Variants in SAMTOR observed in about 807,000 individuals in gnomAD.
SAMTOR encodes the protein S-adenosylmethionine sensor upstream of mTORC1.
chr7:112,844,851 T>C, the SAMTOR span, among the ~76,000 whole-genome samples: 48 of 152,256 alleles, frequency 3.2e-4, no homozygotes, highest in Non-Finnish European at 5.1e-4. Context: ...CAAATGATAC[T>C]ACAAAGCTGC....
the SAMTOR span, among the ~76,000 whole-genome samples, chr7:112,869,190 A>G: frequency 3.3e-5 from 5 of 152,194 alleles, no homozygotes; most frequent in South Asian, 6.2e-4. Context: ...AGCCCCGCTC[A>G]TTAGTGCACT....
chr7:112,835,451 G>A, the SAMTOR span, among the ~76,000 whole-genome samples: 1 of 152,056 alleles, frequency 6.6e-6, no homozygotes, highest in Non-Finnish European at 1.5e-5. Context: ...AACTGGTATA[G>A]GTTTTAGATA....
At chr7:112,829,779 A>G in the SAMTOR span, among the ~76,000 whole-genome samples, 1 of 152,180 alleles carries the variant, frequency 6.6e-6, no homozygotes, top group Non-Finnish European at 1.5e-5. Flanking sequence ...TTATTGAGGT[A>G]AGACCCTTCT....
At chr7:112,880,760 T>C in the SAMTOR span, among the ~76,000 whole-genome samples, 1 of 152,186 alleles carries the variant, frequency 6.6e-6, no homozygotes, top group Admixed American at 6.5e-5. Flanking sequence ...TTGATTAATA[T>C]ACAACGGATT....
the SAMTOR span, among the ~76,000 whole-genome samples, chr7:112,828,983 G>A: frequency 6.6e-6 from 1 of 152,104 alleles, no homozygotes; most frequent in Non-Finnish European, 1.5e-5. Flanking sequence ...GTTCCTTGGT[G>A]TAATTTTCTT....
the SAMTOR span, among the ~76,000 whole-genome samples, chr7:112,933,369 A>C: frequency 2.6e-5 from 4 of 152,248 alleles, no homozygotes; most frequent in Admixed American, 1.3e-4. Context: ...ATGGCTACCA[A>C]AAGATAGAAA....
the SAMTOR span, among the ~76,000 whole-genome samples, chr7:112,843,780 C>T: frequency 6.6e-6 from 1 of 151,996 alleles, no homozygotes; most frequent in African/African-American, 2.4e-5. Context: ...GGACTCCTCC[C>T]CACCTCATTC....
At chr7:112,859,337 A>C in the SAMTOR span, among the ~76,000 whole-genome samples, 1 of 152,340 alleles carries the variant, frequency 6.6e-6, no homozygotes, top group South Asian at 2.1e-4. Flanking sequence ...CCTATTGCCT[A>C]GTGATGATTT....
At chr7:112,882,097 G>A in the SAMTOR span, among the ~76,000 whole-genome samples, 2 of 152,198 alleles carry the variant, frequency 1.3e-5, no homozygotes, top group African/African-American at 4.8e-5. Flanking sequence ...AGCTGCTTGT[G>A]GTACACTGGA....
At chr7:112,912,142 C>T in the SAMTOR span, among the ~76,000 whole-genome samples, 35 of 151,810 alleles carry the variant, frequency 2.3e-4, 1 homozygote, top group South Asian at 3.7e-3. Flanking sequence ...AATATGATGA[C>T]GGTGTTGTGG....
chr7:112,853,420 C>T, the SAMTOR span, among the ~76,000 whole-genome samples: 2 of 152,000 alleles, frequency 1.3e-5, no homozygotes, highest in Non-Finnish European at 2.9e-5. Flanking sequence ...TCTTTACTCT[C>T]GCCCCCTTGA....
At chr7:112,837,784 A>G in the SAMTOR span, among the ~76,000 whole-genome samples, 32 of 152,090 alleles carry the variant, frequency 2.1e-4, no homozygotes, top group African/African-American at 7.5e-4. Context: ...GCTCTTATGG[A>G]AACTACAGGA....
chr7:112,939,580 G>A, the SAMTOR span: 1 of 1,613,924 alleles, frequency 6.2e-7, no homozygotes, highest in South Asian at 1.1e-5. Context: ...CTCACTCAGC[G>A]CGCTGTTTAC....
chr7:112,833,082 C>T, the SAMTOR span, among the ~76,000 whole-genome samples: 1 of 151,864 alleles, frequency 6.6e-6, no homozygotes, highest in South Asian at 2.1e-4. Context: ...GGCTCCCCCA[C>T]CCCCAACCCC....
the SAMTOR span, chr7:112,821,190 C>T: frequency 6.6e-6 from 1 of 152,410 alleles, no homozygotes. Flanking sequence ...AGAATTATCA[C>T]CAATTACAAA....
the SAMTOR span, among the ~76,000 whole-genome samples, chr7:112,847,670 C>T: frequency 1.3e-5 from 2 of 152,202 alleles, no homozygotes; most frequent in Non-Finnish European, 2.9e-5. Context: ...CCTAGCTACT[C>T]AGGAGGCTGA....
At chr7:112,885,852 T>C in the SAMTOR span, among the ~76,000 whole-genome samples, 1 of 152,152 alleles carries the variant, frequency 6.6e-6, no homozygotes, top group Non-Finnish European at 1.5e-5. Flanking sequence ...AACACCCCAC[T>C]TTCTGTGGTA....
At chr7:112,921,269 AC>A in the SAMTOR span, among the ~76,000 whole-genome samples, 1 of 152,224 alleles carries the variant, frequency 6.6e-6, no homozygotes, top group South Asian at 2.1e-4. Context: ...ATGGAACAGA[AC>A]AGACGCCTCA....
the SAMTOR span, among the ~76,000 whole-genome samples, chr7:112,892,354 C>T: frequency 6.6e-6 from 1 of 152,140 alleles, no homozygotes; most frequent in Non-Finnish European, 1.5e-5. Flanking sequence ...CCATGAATCA[C>T]AAATGTTCTT....
Sources: allele counts gnomAD v4.1 joint callset (sites outside exome capture counted in the v4.1 genomes callset), GRCh38; gene constraint gnomAD v4.1.1; transcripts MANE v1.5; gene names NCBI Gene and HGNC (gene_info 2026-07-23, HGNC 2026-07-21).